The following MAGI2 variants were observed in gnomAD, a reference collection of about 807,000 sequenced individuals.
The protein encoded by MAGI2 is membrane associated guanylate kinase, WW and PDZ domain containing 2, also known as membrane-associated guanylate kinase, WW and PDZ domain-containing protein 2.
In MAGI2, 35 loss-of-function variants were observed where a neutral mutation model predicts 133.3. That is an observed-to-expected ratio of 0.26 (90% CI 0.20 to 0.35). MAGI2 has a LOEUF of 0.35. Among genes scored for constraint, MAGI2 ranks in the 10% least tolerant of loss-of-function variants. MAGI2 has a pLI of 1.00. For missense variants in MAGI2, 1,636 were observed against 1,863.4 expected (o/e 0.88, Z 2.25); for synonymous variants, 729 against 710.6 (o/e 1.03, Z -0.41).
chr7:78,256,669 G>A (rs1454765501), intron 9 of MAGI2, 88 bp from the exon 10 acceptor site: 3 of 1,106,722 alleles, frequency 2.7e-6, no homozygotes, highest in African/African-American at 3.2e-5. Context: ...ACTAGTGAGA[G>A]GTGTTGTTTC....
intron 1 of MAGI2, among the ~76,000 whole-genome samples, chr7:79,216,588 G>A (rs956077500): frequency 6.6e-5 from 10 of 152,012 alleles, no homozygotes; most frequent in Non-Finnish European, 1.5e-4. Context: ...GCCCAAAAAA[G>A]CTTGCCCAGA....
intron 2 of MAGI2, among the ~76,000 whole-genome samples, chr7:78,687,781 C>A (rs998256349): frequency 6.6e-6 from 1 of 151,586 alleles, no homozygotes; most frequent in Non-Finnish European, 1.5e-5. Flanking sequence ...CCAGCCTGGT[C>A]AACATGGTGA....
intron 6 of MAGI2, among the ~76,000 whole-genome samples, chr7:78,421,860 T>C (rs1798830427): frequency 6.6e-6 from 1 of 152,140 alleles, no homozygotes; most frequent in Non-Finnish European, 1.5e-5. Flanking sequence ...ACATTTTCCT[T>C]GGTGTAACCT....
chr7:78,811,734 T>C (rs1789077237), intron 2 of MAGI2, among the ~76,000 whole-genome samples: 1 of 152,232 alleles, frequency 6.6e-6, no homozygotes, highest in Non-Finnish European at 1.5e-5. Flanking sequence ...TGGCCTGTGT[T>C]TGTGTATCCT....
chr7:78,876,688 T>G (rs1037360844), intron 2 of MAGI2, among the ~76,000 whole-genome samples: 21 of 152,148 alleles, frequency 1.4e-4, no homozygotes. Flanking sequence ...TCTTCAGGAA[T>G]AGTGGATGCC....
chr7:78,566,738 A>G (rs760518497), intron 3 of MAGI2, among the ~76,000 whole-genome samples: 5 of 152,198 alleles, frequency 3.3e-5, no homozygotes, highest in Non-Finnish European at 7.3e-5. Context: ...TTCAATCCTT[A>G]TCTTTTCTTC....
chr7:79,429,494 G>A (rs1019410127), intron 1 of MAGI2, among the ~76,000 whole-genome samples: 25 of 151,862 alleles, frequency 1.6e-4, no homozygotes, highest in African/African-American at 5.8e-4. Context: ...TAGTAGAGAC[G>A]GGGTTTCACC....
intron 2 of MAGI2, among the ~76,000 whole-genome samples, chr7:78,978,450 A>G (rs1370053325): frequency 2.0e-5 from 3 of 151,886 alleles, no homozygotes; most frequent in Non-Finnish European, 4.4e-5. Flanking sequence ...TGTTTCAATA[A>G]CATTCTGGAA....
chr7:78,839,721 G>A (rs1396228559), intron 2 of MAGI2, among the ~76,000 whole-genome samples: 1 of 152,004 alleles, frequency 6.6e-6, no homozygotes, highest in Non-Finnish European at 1.5e-5. Flanking sequence ...CTCCCATGGG[G>A]ATTACAATTC....
chr7:79,325,074 C>T (rs371307190), intron 1 of MAGI2, among the ~76,000 whole-genome samples: 23 of 152,116 alleles, frequency 1.5e-4, no homozygotes, highest in African/African-American at 5.3e-4. Flanking sequence ...ATTTTCCCTT[C>T]CTAATTACAA....
chr7:78,374,846 A>ATTT (rs536175501), intron 6 of MAGI2, among the ~76,000 whole-genome samples: 9 of 148,778 alleles, frequency 6.0e-5, no homozygotes, highest in South Asian at 2.1e-4. Flanking sequence ...CATTGTGTTG[A>ATTT]TTTTTTTTTT....
At chr7:78,804,264 G>A (rs1346588990) in intron 2 of MAGI2, among the ~76,000 whole-genome samples, 1 of 152,124 alleles carries the variant, frequency 6.6e-6, no homozygotes, top group South Asian at 2.1e-4. Context: ...AGTAGTATAA[G>A]TGGGGACAAG....
intron 10 of MAGI2, among the ~76,000 whole-genome samples, chr7:78,233,515 A>C (rs1790196447): frequency 6.6e-6 from 1 of 152,148 alleles, no homozygotes; most frequent in South Asian, 2.1e-4. Flanking sequence ...GGCTATTCCT[A>C]CAAGAATCAC....
chr7:78,527,090 C>T (rs1797042933), intron 3 of MAGI2, among the ~76,000 whole-genome samples: 1 of 148,366 alleles, frequency 6.7e-6, no homozygotes, highest in Non-Finnish European at 1.5e-5. Context: ...AAGAATAGCC[C>T]ATTGTCAATA....
In MAGI2 at chr7:78,392,181, G is replaced by C. The variant is rs952651398; in HGVS notation, c.1046-22968C>G. Reference sequence around the variant, plus strand: ...AAAAGTAGAAATGGATCTGTAAGGGGTATTTATGCATGAAGGTGCAGGTAC... The same window carrying C: ...AAAAGTAGAAATGGATCTGTAAGGGCTATTTATGCATGAAGGTGCAGGTAC... On this transcript the variant is annotated intron_variant, in intron 6 of 21. Transcript: ENST00000354212. 8.5e-5 allele frequency among the ~76,000 whole-genome samples: 13 copies of C among 152,144 alleles called. 1 individual carries two copies. Among genetic ancestry groups the C allele is most frequent in the African/African-American group, 2.2e-4 (9 of 41,420 alleles).
chr7:78,133,142 C>T (rs1402559700), intron 17 of MAGI2, 82 bp from the exon 18 acceptor site: 38 of 1,110,362 alleles, frequency 3.4e-5, no homozygotes, highest in Non-Finnish European at 4.7e-5. Context: ...AGTGACTTTG[C>T]CTCTGCTGAT....
At chr7:78,703,612 A>G (rs1261209009) in intron 2 of MAGI2, among the ~76,000 whole-genome samples, 1 of 152,044 alleles carries the variant, frequency 6.6e-6, no homozygotes, top group Non-Finnish European at 1.5e-5. Flanking sequence ...TTCCCTATAG[A>G]TATGAATCAC....
chr7:78,920,088 T>C (rs1338362907), intron 2 of MAGI2, among the ~76,000 whole-genome samples: 1 of 152,114 alleles, frequency 6.6e-6, no homozygotes, highest in Non-Finnish European at 1.5e-5. Context: ...CAGCCTAAAA[T>C]TTTTACTAAG....
intron 6 of MAGI2, among the ~76,000 whole-genome samples, chr7:78,431,315 C>G (rs1799772990): frequency 1.3e-5 from 2 of 152,020 alleles, no homozygotes. Flanking sequence ...ACAGTTTGTC[C>G]ATTTTCTTTT....
Sources: gnomAD v4.1 joint callset for allele counts (sites outside exome capture counted in the v4.1 genomes callset) on GRCh38, gnomAD v4.1.1 for gene constraint, MANE v1.5 for transcripts, NCBI Gene and HGNC (gene_info 2026-07-23, HGNC 2026-07-21) for gene names.